EIPR1: variants seen among roughly 807,000 people sequenced by gnomAD.
EIPR1 encodes the protein EARP complex and GARP complex interacting protein 1.
In EIPR1, 25 loss-of-function variants were observed where a neutral mutation model predicts 48.1. The ratio of observed to expected loss-of-function variants is 0.52; its 90% CI spans 0.38 to 0.73. The LOEUF (loss-of-function observed/expected upper bound fraction) is 0.73, where lower values mean the gene tolerates loss of function less well. Among genes scored for constraint, EIPR1 ranks in the 30% least tolerant of loss-of-function variants. EIPR1 has a pLI of 0.00. For synonymous variants in EIPR1, 204 were observed against 201.9 expected, an observed-to-expected ratio of 1.01 and a Z score of -0.09; for missense variants, 415 against 506.2, an observed-to-expected ratio of 0.82 and a Z score of 1.73.
intron 4 of EIPR1, among the ~76,000 whole-genome samples, chr2:3,249,154 A>G (rs1475484299): frequency 6.6e-6 from 1 of 152,228 alleles, no homozygotes. Context: ...AGAAAGCAAG[A>G]TGAGAAAAAG....
intron 1 of EIPR1, chr2:3,377,198 T>TTATG (rs1376593769): frequency 1.2e-5 from 2 of 161,598 alleles, no homozygotes; most frequent in Admixed American, 6.4e-5. Flanking sequence ...ATGTAAAGTG[T>TTATG]TAACATTAAG....
chr2:3,210,777 C>T (rs558122456), intron 5 of EIPR1, among the ~76,000 whole-genome samples: 4 of 152,026 alleles, frequency 2.6e-5, no homozygotes, highest in Non-Finnish European at 4.4e-5. Context: ...ATTACAGGCA[C>T]GTGCCACCAC....
intron 1 of EIPR1, among the ~76,000 whole-genome samples, chr2:3,370,535 G>T (rs1671089049): frequency 6.6e-6 from 1 of 152,104 alleles, no homozygotes; most frequent in Non-Finnish European, 1.5e-5. Flanking sequence ...ATACAGAGAA[G>T]TGCTTAAAGG....
At chr2:3,275,502 A>G (rs934137392) in intron 3 of EIPR1, among the ~76,000 whole-genome samples, 3 of 152,216 alleles carry the variant, frequency 2.0e-5, no homozygotes, top group Non-Finnish European at 4.4e-5. Flanking sequence ...TAAAAGATTC[A>G]AACACAACAT....
intron 5 of EIPR1, 50 bp downstream of exon 5, chr2:3,214,099 G>T: frequency 6.4e-7 from 1 of 1,553,226 alleles, no homozygotes; most frequent in Non-Finnish European, 8.9e-7. Flanking sequence ...AACATGCGGG[G>T]TTTGGTTTAA....
At position 3,228,673 on chromosome 2, in the gene EIPR1, C is replaced by T. The variant is rs565430024; in HGVS notation, c.417-14425G>A. On this transcript the variant is annotated intron_variant, in intron 4 of 8. Coordinates refer to ENST00000382125, the MANE Select transcript of EIPR1 (RefSeq NM_003310.5). ...TCCTGGATTATAATCCCCACAACCC[C>T]CACATGTGAAGGGCAGGACCAGGTG... 4.6e-5 allele frequency among the ~76,000 whole-genome samples: 7 copies of T among 152,284 alleles called. No homozygotes were observed. The East Asian group carries it at 1.2e-3, about 25-fold the overall frequency.
intron 5 of EIPR1, among the ~76,000 whole-genome samples, chr2:3,203,846 A>G (rs912892469): frequency 1.3e-5 from 2 of 152,226 alleles, no homozygotes; most frequent in South Asian, 4.1e-4. Flanking sequence ...CCTCTGGCCA[A>G]CAGCTGGAGG....
intron 3 of EIPR1, among the ~76,000 whole-genome samples, chr2:3,266,489 G>A (rs1400162294): frequency 1.3e-5 from 2 of 152,192 alleles, no homozygotes; most frequent in East Asian, 3.9e-4. Flanking sequence ...AGATTGCATC[G>A]CCTGAGTGTG....
intron 5 of EIPR1, among the ~76,000 whole-genome samples, chr2:3,205,027 C>T (rs947513989): frequency 2.0e-5 from 3 of 152,202 alleles, no homozygotes; most frequent in Non-Finnish European, 2.9e-5. Flanking sequence ...GAGGGAAGCA[C>T]GCACCACCCT....
At chr2:3,341,763 G>A (rs977391657) in intron 2 of EIPR1, among the ~76,000 whole-genome samples, 7 of 152,050 alleles carry the variant, frequency 4.6e-5, no homozygotes, top group African/African-American at 1.5e-4. Flanking sequence ...GGGAACCAGT[G>A]AATGCATGTG....
chr2:3,341,666 G>A (rs57035994), intron 2 of EIPR1, among the ~76,000 whole-genome samples: 30,480 of 151,304 alleles, frequency 0.2, 4,353 homozygotes, highest in African/African-American at 0.39. Context: ...GTATGTGTGG[G>A]TGTGAGGCAG....
chr2:3,290,902 T>C (rs987922887), intron 3 of EIPR1, among the ~76,000 whole-genome samples: 1 of 152,074 alleles, frequency 6.6e-6, no homozygotes. Flanking sequence ...ACACAGAGAA[T>C]CTATTTTATC....
intron 3 of EIPR1, among the ~76,000 whole-genome samples, chr2:3,279,880 G>A (rs576009669): frequency 2.0e-5 from 3 of 152,322 alleles, no homozygotes; most frequent in Non-Finnish European, 2.9e-5. Context: ...TTATATCCAC[G>A]TCTCTGGCTA....
intron 3 of EIPR1, among the ~76,000 whole-genome samples, chr2:3,293,894 C>T (rs998589149): frequency 4.6e-5 from 7 of 152,154 alleles, no homozygotes; most frequent in East Asian, 1.9e-4. Flanking sequence ...AGAAACCACA[C>T]ATTATTCAAA....
Position 3,373,809 on chromosome 2 carries a change from T to G in EIPR1, c.42+3839A>C, listed in dbSNP as rs890666215. On this transcript the variant is annotated intron_variant, in intron 1 of 8. Transcript: ENST00000382125. ...GTGAAAATGGCCATACTGCCCAAGG[T>G]AATTTATAGATTCAATGCCATCCCC... Among the ~76,000 whole-genome samples, 240 of 151,528 alleles carry G rather than the reference T, an allele frequency of 1.6e-3. 1 individual carries two copies. The highest frequency in any genetic ancestry group is 5.5e-3 in the African/African-American group (226 of 41,456).
chr2:3,224,358 G>A (rs1351529699), intron 4 of EIPR1, among the ~76,000 whole-genome samples: 3 of 152,128 alleles, frequency 2.0e-5, no homozygotes, highest in African/African-American at 4.8e-5. Flanking sequence ...CCATGCGCCC[G>A]GCTTTACCTC....
intron 4 of EIPR1, among the ~76,000 whole-genome samples, chr2:3,239,636 C>CCT (rs1666529715): frequency 6.6e-6 from 1 of 151,944 alleles, no homozygotes; most frequent in South Asian, 2.1e-4. Context: ...TCATTAACCC[C>CCT]CTTTCCACAT....
chr2:3,238,098 A>C (rs1666474367), intron 4 of EIPR1, among the ~76,000 whole-genome samples: 1 of 152,202 alleles, frequency 6.6e-6, no homozygotes. Flanking sequence ...GGACACTGAA[A>C]TGATCACCTT....
chr2:3,247,984 T>A (rs1441403744), intron 4 of EIPR1, among the ~76,000 whole-genome samples: 1 of 152,074 alleles, frequency 6.6e-6, no homozygotes, highest in Non-Finnish European at 1.5e-5. Flanking sequence ...ATAGTCGAGA[T>A]GTTTGTCCCC....
Sources: allele counts gnomAD v4.1 joint callset (sites outside exome capture counted in the v4.1 genomes callset), GRCh38; gene constraint gnomAD v4.1.1; transcripts MANE v1.5; gene names NCBI Gene and HGNC (gene_info 2026-07-23, HGNC 2026-07-21).